MAP3K13: variants seen among roughly 807,000 people sequenced by gnomAD.
The protein encoded by MAP3K13 is leucine zipper-bearing kinase.
A neutral mutation model predicts 104.0 loss-of-function variants in MAP3K13; 52 were observed. That is an observed-to-expected ratio of 0.50 (90% confidence interval 0.40 to 0.63). The LOEUF is 0.63. MAP3K13 is among the 20% of genes least tolerant of loss of function. The pLI, the probability that MAP3K13 is intolerant of heterozygous loss-of-function variation, is 0.00. For missense variants in MAP3K13, 914 were observed against 1,218.5 expected, an observed-to-expected ratio of 0.75 and a Z score of 3.72; for synonymous variants, 394 against 442.2, an observed-to-expected ratio of 0.89 and a Z score of 1.37.
intron 1 of MAP3K13, among the ~76,000 whole-genome samples, chr3:185,376,744 AGTT>A (rs1724449209): frequency 1.3e-5 from 2 of 151,778 alleles, no homozygotes; most frequent in African/African-American, 4.8e-5. Flanking sequence ...GAAGGAAAGG[AGTT>A]GTTGTTTTGT....
chr3:185,460,662 G>A (rs543046678), intron 7 of MAP3K13, among the ~76,000 whole-genome samples: 6 of 152,298 alleles, frequency 3.9e-5, no homozygotes, highest in South Asian at 2.1e-4. Flanking sequence ...AATGGAACTC[G>A]AAATCAACAA....
upstream of MAP3K13, among the ~76,000 whole-genome samples, chr3:185,360,457 T>C (rs928313442): frequency 2.0e-5 from 3 of 152,192 alleles, no homozygotes; most frequent in Non-Finnish European, 2.9e-5. Flanking sequence ...TGATAATGAC[T>C]TCCTCCAAGA....
chr3:185,375,793 T>A (rs552535140), intron 1 of MAP3K13, among the ~76,000 whole-genome samples: 1 of 152,214 alleles, frequency 6.6e-6, no homozygotes, highest in East Asian at 1.9e-4. Context: ...TGAGAAGAGT[T>A]TTTATTAAGG....
chr3:185,472,651 C>T (rs1188433933), intron 10 of MAP3K13, among the ~76,000 whole-genome samples: 1 of 152,152 alleles, frequency 6.6e-6, no homozygotes. Flanking sequence ...GTTCTTTAAT[C>T]GTAGCAGAAT....
chr3:185,437,325 T>C, intron 2 of MAP3K13, 122 bp from the exon 3 acceptor site: 1 of 741,520 alleles, frequency 1.3e-6, no homozygotes, highest in Non-Finnish European at 2.2e-6. Flanking sequence ...GTTCTATCTT[T>C]TGCCGGGAGA....
chr3:185,448,066 T>C (rs1450694761), intron 5 of MAP3K13, 119 bp downstream of exon 5: 2 of 1,138,850 alleles, frequency 1.8e-6, no homozygotes, highest in Non-Finnish European at 2.7e-6. Flanking sequence ...TCACTTTTGG[T>C]TGATTTCAGC....
intron 2 of MAP3K13, among the ~76,000 whole-genome samples, chr3:185,430,124 C>G (rs1024091574): frequency 6.6e-6 from 1 of 151,782 alleles, no homozygotes; most frequent in African/African-American, 2.4e-5. Flanking sequence ...TGCTTAAACC[C>G]AGCAGAGGCT....
chr3:185,394,276 A>C (rs937409953), intron 1 of MAP3K13, among the ~76,000 whole-genome samples: 5 of 152,236 alleles, frequency 3.3e-5, no homozygotes, highest in African/African-American at 9.6e-5. Context: ...CTTCTCATTT[A>C]GAATTTTTGT....
chr3:185,324,146 G>A (rs374647720), intron 2 of MAP3K13, among the ~76,000 whole-genome samples: 2 of 152,192 alleles, frequency 1.3e-5, no homozygotes, highest in East Asian at 3.9e-4. Context: ...GAGTAGCTGG[G>A]ACTACAGGCA....
At chr3:185,337,201 G>A (rs1459687519) in intron 2 of MAP3K13, among the ~76,000 whole-genome samples, 11 of 152,082 alleles carry the variant, frequency 7.2e-5, no homozygotes, top group South Asian at 4.1e-4. Flanking sequence ...CATCGCAGCC[G>A]GCCTAATGAC....
intron 1 of MAP3K13, among the ~76,000 whole-genome samples, chr3:185,396,961 C>T (rs551226023): frequency 1.3e-5 from 2 of 152,298 alleles, no homozygotes; most frequent in Non-Finnish European, 2.9e-5. Context: ...TGTCATTGTT[C>T]TGTTAACATA....
At chr3:185,464,429 G>C (rs1717292610) in intron 8 of MAP3K13, among the ~76,000 whole-genome samples, 2 of 152,138 alleles carry the variant, frequency 1.3e-5, no homozygotes, top group Non-Finnish European at 2.9e-5. Flanking sequence ...CTGGATCTTG[G>C]GGGCGGCTTC....
At chr3:185,380,940 G>GT (rs960298054) in intron 1 of MAP3K13, among the ~76,000 whole-genome samples, 48 of 142,888 alleles carry the variant, frequency 3.4e-4, no homozygotes, top group South Asian at 7.0e-4. Flanking sequence ...GAGGAAGAAG[G>GT]TTTTTTTGTT....
chr3:185,364,622 C>T (rs1437636734), intron 1 of MAP3K13, among the ~76,000 whole-genome samples: 2 of 152,294 alleles, frequency 1.3e-5, no homozygotes, highest in Middle Eastern at 3.4e-3. Context: ...CAACTGTAAA[C>T]TCATCTAATT....
intron 2 of MAP3K13, among the ~76,000 whole-genome samples, chr3:185,288,607 T>G (rs1451256953): frequency 6.6e-6 from 1 of 151,128 alleles, no homozygotes; most frequent in Non-Finnish European, 1.5e-5. Context: ...AATAAATAAA[T>G]AAATAAGTGC....
intron 1 of MAP3K13, among the ~76,000 whole-genome samples, chr3:185,369,347 C>T (rs1016379101): frequency 8.6e-5 from 13 of 151,936 alleles, no homozygotes; most frequent in Admixed American, 5.2e-4. Context: ...AGTCAGGCAC[C>T]CTGAGATGTA....
chr3:185,419,466 T>C (rs547053236), intron 1 of MAP3K13, among the ~76,000 whole-genome samples: 36 of 152,340 alleles, frequency 2.4e-4, no homozygotes, highest in African/African-American at 6.3e-4. Context: ...TGAAAACCTC[T>C]GATTAAACAA....
At chr3:185,294,715 CT>C (rs1431651429) in intron 2 of MAP3K13, among the ~76,000 whole-genome samples, 1 of 152,118 alleles carries the variant, frequency 6.6e-6, no homozygotes, top group Non-Finnish European at 1.5e-5. Context: ...TCCTCCACTC[CT>C]TTGCCAAAAA....
chr3:185,441,572 G>A (rs373762040), intron 3 of MAP3K13, among the ~76,000 whole-genome samples: 3 of 152,278 alleles, frequency 2.0e-5, no homozygotes, highest in Non-Finnish European at 2.9e-5. Flanking sequence ...CATGGATGAT[G>A]TAGGAATTGA....
Sources: allele counts gnomAD v4.1 joint callset (sites outside exome capture counted in the v4.1 genomes callset), GRCh38; gene constraint gnomAD v4.1.1; transcripts MANE v1.5; gene names NCBI Gene and HGNC (gene_info 2026-07-23, HGNC 2026-07-21).